The following PICALM variants were observed in gnomAD, a reference collection of about 807,000 sequenced individuals.
PICALM encodes phosphatidylinositol binding clathrin assembly protein, also known as phosphatidylinositol-binding clathrin assembly protein.
In PICALM, 40 loss-of-function variants were observed where a neutral mutation model predicts 80.5. That is an observed-to-expected ratio of 0.50 (90% confidence interval 0.39 to 0.65). PICALM has a LOEUF of 0.65. Ranked by LOEUF, PICALM falls within the 30% of genes least tolerant of loss-of-function variation. The pLI, the probability that PICALM is intolerant of heterozygous loss-of-function variation, is 0.00. For missense variants in PICALM, 676 were observed against 778.9 expected, an observed-to-expected ratio of 0.87 and a Z score of 1.57; for synonymous variants, 288 against 260.3, an observed-to-expected ratio of 1.11 and a Z score of -1.02.
chr11:85,974,059 T>A (rs1256406938), intron 19 of PICALM, among the ~76,000 whole-genome samples: 1 of 151,212 alleles, frequency 6.6e-6, no homozygotes, highest in African/African-American at 2.4e-5. Flanking sequence ...AAAAAAAAAA[T>A]TCTTCTAATG....
rs1450795042 is a variant in PICALM at position 86,000,624 on chromosome 11, C to A, written c.1154+19G>T. ...TTTGAACCTACATATTCAAAGGTAA[C>A]CTTAACTTCTACTCCTACCTGTTAG... On this transcript the variant is annotated intron_variant, in intron 11 of 19. Coordinates refer to ENST00000393346, the MANE Select transcript of PICALM (RefSeq NM_007166.4). 1 of 1,600,636 alleles carries A rather than the reference C, an allele frequency of 6.2e-7. No individual in the cohort carries two copies.
At chr11:86,030,241 G>A (rs2095725926) in intron 2 of PICALM, among the ~76,000 whole-genome samples, 1 of 152,096 alleles carries the variant, frequency 6.6e-6, no homozygotes, top group Non-Finnish European at 1.5e-5. Flanking sequence ...CTAGAGGGAA[G>A]ACCAAAATGT....
chr11:86,001,560 T>C (rs1255898360), intron 9 of PICALM, among the ~76,000 whole-genome samples: 1 of 152,190 alleles, frequency 6.6e-6, no homozygotes, highest in Non-Finnish European at 1.5e-5. Flanking sequence ...AGCCTACGTT[T>C]CGGCAGTGCC....
chr11:86,067,252 T>G (rs778304845), intron 1 of PICALM, among the ~76,000 whole-genome samples: 17 of 152,236 alleles, frequency 1.1e-4, no homozygotes, highest in Admixed American at 2.0e-4. Context: ...TGAATTATCT[T>G]TCAGGGCATG....
chr11:85,983,094 CAT>C (rs2135742024), intron 14 of PICALM, among the ~76,000 whole-genome samples: 1 of 152,190 alleles, frequency 6.6e-6, no homozygotes, highest in East Asian at 1.9e-4. Flanking sequence ...ATTCTTAGTC[CAT>C]ACATATTCTT....
intron 1 of PICALM, among the ~76,000 whole-genome samples, chr11:86,049,359 T>TAA: frequency 6.6e-6 from 1 of 152,210 alleles, no homozygotes; most frequent in African/African-American, 2.4e-5. Flanking sequence ...ACTATCCAGT[T>TAA]AACTTATTTT....
chr11:85,957,866 G>A lies in PICALM; in HGVS notation c.*1180C>T, dbSNP rs2093573108. Reference sequence around the variant, plus strand: ...CCCTCTCCACCCAAATGTTAAAGATGTATTTACACAAAGCACCGATCAACA... The same window carrying A: ...CCCTCTCCACCCAAATGTTAAAGATATATTTACACAAAGCACCGATCAACA... On this transcript the variant is annotated 3_prime_UTR_variant, in exon 20 of 20. Transcript: ENST00000393346. 1 of 224,244 alleles carries A rather than the reference G, an allele frequency of 4.5e-6. No individual in the cohort carries two copies. Among genetic ancestry groups the A allele is most frequent in the Non-Finnish European group, 8.9e-6 (1 of 112,246 alleles). The allele number at this position is 224,244 out of a possible 1,614,324, so 13.9% of individuals were successfully genotyped here. A position where few individuals can be genotyped will look rare whatever the true frequency, so the allele number is the denominator to read the frequency against.
At chr11:86,048,418 G>T (rs1450000567) in intron 1 of PICALM, among the ~76,000 whole-genome samples, 1 of 151,888 alleles carries the variant, frequency 6.6e-6, no homozygotes, top group East Asian at 1.9e-4. Flanking sequence ...ATAAATGAGG[G>T]TTTATACTCT....
chr11:86,049,149 C>G (rs1433500962), intron 1 of PICALM, among the ~76,000 whole-genome samples: 1 of 152,050 alleles, frequency 6.6e-6, no homozygotes, highest in African/African-American at 2.4e-5. Context: ...AAAAATTAGT[C>G]AGGCACGGTG....
chr11:86,001,723 C>A (rs544542598), intron 9 of PICALM, among the ~76,000 whole-genome samples: 5 of 152,310 alleles, frequency 3.3e-5, no homozygotes, highest in Admixed American at 1.3e-4. Flanking sequence ...CTATGTGCTG[C>A]CCTTTTGCCA....
chr11:86,053,813 C>T (rs1023147848), intron 1 of PICALM, among the ~76,000 whole-genome samples: 3 of 152,078 alleles, frequency 2.0e-5, no homozygotes, highest in Non-Finnish European at 4.4e-5. Context: ...AGCAATCTGC[C>T]CACCTCGGCC....
intron 3 of PICALM, among the ~76,000 whole-genome samples, chr11:86,022,676 A>G (rs933253082): frequency 1.3e-5 from 2 of 152,084 alleles, no homozygotes; most frequent in Non-Finnish European, 2.9e-5. Context: ...TTTAAATCAG[A>G]TAAGTCCTAT....
chr11:86,039,138 A>C (rs968209732), intron 1 of PICALM, among the ~76,000 whole-genome samples: 2 of 151,968 alleles, frequency 1.3e-5, no homozygotes, highest in Non-Finnish European at 2.9e-5. Context: ...AGCTGTAGGA[A>C]AAAAATCAGT....
At chr11:85,970,802 C>A (rs1257615321) in intron 19 of PICALM, among the ~76,000 whole-genome samples, 2 of 152,126 alleles carry the variant, frequency 1.3e-5, no homozygotes, top group Non-Finnish European at 2.9e-5. Context: ...GACTCCATTA[C>A]CCACACACAA....
At chr11:86,001,217 G>C (rs372939153) in intron 9 of PICALM, 59 bp from the exon 10 acceptor site, 87 of 1,559,922 alleles carry the variant, frequency 5.6e-5, no homozygotes, top group African/African-American at 4.9e-4. Flanking sequence ...ATTACACCCA[G>C]GTCATGAAAT....
In PICALM at chr11:86,019,635, T is replaced by A. The variant is rs113507812; in HGVS notation, c.452+2732A>T. Among the ~76,000 whole-genome samples, 135 of 152,344 alleles carry A rather than the reference T, an allele frequency of 8.9e-4. 1 individual carries two copies. The highest frequency in any genetic ancestry group is 3.0e-3 in the African/African-American group (123 of 41,590). On this transcript the variant is annotated intron_variant, in intron 4 of 19. Transcript: ENST00000393346. ...AAAAATCAGACTTCTAAAAAAGTTC[T>A]CCACCATAATCTTCTACAAAGTGCT... is the stretch of plus-strand genomic sequence containing the variant.
chr11:86,053,692 C>CA (rs2096227647), intron 1 of PICALM, among the ~76,000 whole-genome samples: 1 of 152,134 alleles, frequency 6.6e-6, no homozygotes, highest in Admixed American at 6.6e-5. Context: ...TTCAGCATTA[C>CA]AAGTAGCTGG....
rs144503048 is a variant in PICALM, at chr11:85,968,505, C to T, written c.1944+6203G>A. The stretch of plus-strand genomic sequence containing the variant: ...AGAGCTTCAAAAATACCTAAACTGC[C>T]ATATAAACATTCATTTAAAAAGTGT... On this transcript the variant is annotated intron_variant, in intron 19 of 19. Transcript: ENST00000393346. Among the ~76,000 whole-genome samples the T allele has an allele frequency of 4.2e-3, 635 of 152,236 alleles. 3 individuals carry two copies. Among genetic ancestry groups the T allele is most frequent in the Non-Finnish European group, 5.4e-3 (364 of 67,996 alleles).
At chr11:86,033,416 G>C (rs1456152534) in intron 1 of PICALM, among the ~76,000 whole-genome samples, 1 of 151,976 alleles carries the variant, frequency 6.6e-6, no homozygotes, top group African/African-American at 2.4e-5. Flanking sequence ...CCTCCCATAT[G>C]CCAAGCACTC....
Sources: allele counts gnomAD v4.1 joint callset (sites outside exome capture counted in the v4.1 genomes callset), GRCh38; gene constraint gnomAD v4.1.1; transcripts MANE v1.5; gene names NCBI Gene and HGNC (gene_info 2026-07-23, HGNC 2026-07-21).